Variants in TWIST2 observed in about 807,000 individuals in gnomAD.
TWIST2 encodes the protein twist-related protein 2.
A neutral mutation model predicts 11.6 loss-of-function variants in TWIST2; 1 was observed. The observed-to-expected ratio is 0.09, with a 90% CI of 0.03 to 0.41. TWIST2 has a LOEUF of 0.41. TWIST2 is among the 10% of genes least tolerant of loss of function. TWIST2 has a pLI of 0.98. For synonymous variants in TWIST2, 87 were observed against 96.6 expected, an observed-to-expected ratio of 0.90 and a Z score of 0.58; for missense variants, 168 against 226.4, an observed-to-expected ratio of 0.74 and a Z score of 1.66.
Position 238,907,715 on chromosome 2 carries a change from TACACACACAAAC to T in TWIST2, c.*36-2119_*36-2108del, listed in dbSNP as rs1399712809. ...CACACACACACACAAATGCACACAA[TACACACACAAAC>T]ACACACATAAACGCACACAACACAC... is the stretch of plus-strand genomic sequence containing the variant. On this transcript the variant is annotated intron_variant, in intron 1 of 1. Coordinates refer to ENST00000612363, the MANE Select transcript of TWIST2 (RefSeq NM_001271893.4). 9.4e-4 allele frequency among the ~76,000 whole-genome samples: 141 copies of T among 149,800 alleles called. 1 individual carries two copies. Among genetic ancestry groups the T allele is most frequent in the African/African-American group, 3.4e-3 (138 of 40,466 alleles).
At chr2:238,898,704 G>C (rs907766621) in intron 1 of TWIST2, among the ~76,000 whole-genome samples, 1 of 152,212 alleles carries the variant, frequency 6.6e-6, no homozygotes, top group African/African-American at 2.4e-5. Context: ...CACCCATGTC[G>C]GCCCAGCCTT....
intron 1 of TWIST2, among the ~76,000 whole-genome samples, chr2:238,903,496 G>GA (rs1693304937): frequency 7.1e-6 from 1 of 140,042 alleles, no homozygotes; most frequent in Non-Finnish European, 1.5e-5. Flanking sequence ...TGAGGTGTGT[G>GA]TGATGTGTGT....
At position 238,863,133 on chromosome 2, in the gene TWIST2, A is replaced by G. The variant is rs1389296607; in HGVS notation, c.*35+14400A>G. Among the ~76,000 whole-genome samples the G allele has an allele frequency of 6.6e-6, 1 of 151,996 alleles. No individual in the cohort carries two copies. The highest frequency in any genetic ancestry group is 2.4e-5 in the African/African-American group (1 of 41,376). On this transcript the variant is annotated intron_variant, in intron 1 of 1. Coordinates refer to ENST00000612363, the MANE Select transcript of TWIST2 (RefSeq NM_001271893.4). This position sits in a 1 kb window ranked among gnomAD's most constrained non-coding sequence, Gnocchi z 4.7. ...ATCCAGAGGTGCCCAGTGCTTTGTA[A>G]AGATAGTGTGGCAGGCACATGCTGA...
intron 1 of TWIST2, among the ~76,000 whole-genome samples, chr2:238,897,121 C>T (rs963973462): frequency 2.4e-4 from 36 of 152,300 alleles, no homozygotes; most frequent in African/African-American, 7.2e-4. Context: ...GCCTCACCAT[C>T]GTCCCACAGA....
At chr2:238,903,126 TGTG>T (rs1196333476) in intron 1 of TWIST2, among the ~76,000 whole-genome samples, 55 of 143,836 alleles carry the variant, frequency 3.8e-4, no homozygotes, top group Admixed American at 1.3e-3. Context: ...GTGTGTGTGA[TGTG>T]GGGTGTGTGT....
intron 1 of TWIST2, among the ~76,000 whole-genome samples, chr2:238,874,528 C>T (rs1692769340): frequency 6.6e-6 from 1 of 152,158 alleles, no homozygotes; most frequent in African/African-American, 2.4e-5. Context: ...GATGTGTATC[C>T]TGGTTGGACG....
At chr2:238,871,264 G>C (rs1379717323) in intron 1 of TWIST2, among the ~76,000 whole-genome samples, 1 of 9,350 alleles carries the variant, frequency 1.1e-4, no homozygotes, top group Admixed American at 2.1e-3. Context: ...CGCACCCCAT[G>C]CACACACCAC....
intron 1 of TWIST2, among the ~76,000 whole-genome samples, chr2:238,885,184 G>A (rs548289699): frequency 1.1e-3 from 164 of 152,288 alleles, no homozygotes; most frequent in Non-Finnish European, 1.9e-3. Context: ...CCCCATGGCC[G>A]GGTCTTCTGA....
At chr2:238,870,927 A>C (rs1692679139) in intron 1 of TWIST2, among the ~76,000 whole-genome samples, 1 of 34,578 alleles carries the variant, frequency 2.9e-5, no homozygotes, top group African/African-American at 1.2e-4. Flanking sequence ...CACACACCAC[A>C]CCCCACACAT....
chr2:238,859,996 G>T (rs535964040), intron 1 of TWIST2, among the ~76,000 whole-genome samples: 30 of 152,294 alleles, frequency 2.0e-4, no homozygotes, highest in South Asian at 6.2e-4. Flanking sequence ...TGAGAGCCAG[G>T]AGCATTTGCC....
At chr2:238,903,250 A>T (rs1244448340) in intron 1 of TWIST2, among the ~76,000 whole-genome samples, 1 of 99,966 alleles carries the variant, frequency 1.0e-5, no homozygotes, top group African/African-American at 4.0e-5. Context: ...GGTGTGTGTG[A>T]GATGTAGTGT....
chr2:238,871,389 A>C (rs1280333767), intron 1 of TWIST2, among the ~76,000 whole-genome samples: 5 of 46,932 alleles, frequency 1.1e-4, no homozygotes, highest in Admixed American at 2.5e-4. Flanking sequence ...CACACACCCC[A>C]TGCACACACC....
intron 1 of TWIST2, among the ~76,000 whole-genome samples, chr2:238,870,183 CACATCACATA>C (rs1692629702): frequency 1.5e-5 from 1 of 66,044 alleles, no homozygotes; most frequent in African/African-American, 6.6e-5. Context: ...ACCCCACACA[CACATCACATA>C]CCACACACAA....
intron 1 of TWIST2, among the ~76,000 whole-genome samples, chr2:238,870,466 CCGACACACG>C (rs1692651430): frequency 1.6e-4 from 5 of 31,496 alleles, no homozygotes; most frequent in East Asian, 1.4e-3. Flanking sequence ...CACCACACAC[CCGACACACG>C]CCACACACAC....
chr2:238,855,139 G>A (rs754773339), intron 1 of TWIST2, among the ~76,000 whole-genome samples: 1 of 152,178 alleles, frequency 6.6e-6, no homozygotes, highest in Non-Finnish European at 1.5e-5. Context: ...AACCTATACC[G>A]ACTGGGTCCC....
chr2:238,885,950 T>G (rs1693027355), intron 1 of TWIST2, among the ~76,000 whole-genome samples: 2 of 151,850 alleles, frequency 1.3e-5, no homozygotes, highest in Admixed American at 6.6e-5. Context: ...ACAAAAATTA[T>G]CTGGGCATGG....
At chr2:238,875,677 G>A (rs1692793272) in intron 1 of TWIST2, among the ~76,000 whole-genome samples, 1 of 152,132 alleles carries the variant, frequency 6.6e-6, no homozygotes, top group African/African-American at 2.4e-5. Context: ...CCGGGGTCAC[G>A]GGAATGCCAT....
chr2:238,883,966 A>G (rs76032995), intron 1 of TWIST2, among the ~76,000 whole-genome samples: 1,798 of 152,198 alleles, frequency 0.012, 38 homozygotes, highest in African/African-American at 0.042. Flanking sequence ...TCTCCTCTGC[A>G]TTAAATGTGA....
intron 1 of TWIST2, among the ~76,000 whole-genome samples, chr2:238,905,800 A>G (rs1216839059): frequency 2.0e-5 from 3 of 152,162 alleles, no homozygotes; most frequent in Admixed American, 6.5e-5. Flanking sequence ...GACCACTTAA[A>G]AAAGGCTTAA....
Sources: allele counts gnomAD v4.1 joint callset (sites outside exome capture counted in the v4.1 genomes callset), GRCh38; gene constraint gnomAD v4.1.1; non-coding constraint Gnocchi (gnomAD v3.1); transcripts MANE v1.5; gene names NCBI Gene and HGNC (gene_info 2026-07-23, HGNC 2026-07-21).